Variants in RECK observed in about 807,000 individuals in gnomAD.
RECK encodes the protein reversion inducing cysteine rich protein with kazal motifs, also known as reversion-inducing cysteine-rich protein with Kazal motifs.
Under a neutral mutation model 115.1 loss-of-function variants are expected in RECK, and 69 were observed. That is an observed-to-expected ratio of 0.60 (90% confidence interval 0.49 to 0.73). The LOEUF is 0.73. Among genes scored for constraint, RECK ranks in the 30% least tolerant of loss-of-function variants. RECK has a pLI of 0.00. For missense variants in RECK, 1,047 were observed against 1,203.7 expected, an observed-to-expected ratio of 0.87 and a Z score of 1.93; for synonymous variants, 414 against 419.7, an observed-to-expected ratio of 0.99 and a Z score of 0.17.
At chr9:36,052,024 A>G (rs1821323962) in intron 1 of RECK, among the ~76,000 whole-genome samples, 1 of 152,198 alleles carries the variant, frequency 6.6e-6, no homozygotes, top group East Asian at 1.9e-4. Flanking sequence ...AATAGTAGCT[A>G]TTATTATTAC....
At chr9:36,101,695 CT>C (rs1230566896) in intron 11 of RECK, among the ~76,000 whole-genome samples, 1 of 152,064 alleles carries the variant, frequency 6.6e-6, no homozygotes, top group Non-Finnish European at 1.5e-5. Flanking sequence ...ATGTTGATAA[CT>C]AAAAAGAGAC....
At chr9:36,072,176 A>T (rs1184410692) in intron 6 of RECK, among the ~76,000 whole-genome samples, 1 of 152,198 alleles carries the variant, frequency 6.6e-6, no homozygotes, top group Admixed American at 6.5e-5. Flanking sequence ...TTCCTCAGGA[A>T]ATGTCACAAT....
intron 1 of RECK, among the ~76,000 whole-genome samples, chr9:36,038,793 TAAAACAAA>T (rs1820763108): frequency 6.6e-6 from 1 of 151,236 alleles, no homozygotes; most frequent in Non-Finnish European, 1.5e-5. Flanking sequence ...ATTCCTGTGG[TAAAACAAA>T]CAAACAAACA....
intron 6 of RECK, among the ~76,000 whole-genome samples, chr9:36,066,386 A>G (rs1400967946): frequency 1.3e-5 from 2 of 152,208 alleles, no homozygotes; most frequent in South Asian, 4.1e-4. Context: ...CCATTTTTAT[A>G]TACAAACATT....
rs375407837 is a variant in RECK, at chr9:36,110,092, G to T, written c.1888+13G>T. 1.9e-6 allele frequency: 3 copies of T among 1,590,386 alleles called. No homozygotes were observed. The highest frequency in any genetic ancestry group is 1.3e-5 in the African/African-American group (1 of 74,552). On this transcript the variant is annotated intron_variant, in intron 15 of 20. Coordinates refer to ENST00000377966, the MANE Select transcript of RECK (RefSeq NM_021111.3). ...CGTACCTTCACAGGTGACTGTGATC[G>T]CCCAGAGTCTGTCCTCAGGGGCCAT...
chr9:36,063,286 C>T (rs902308033), intron 4 of RECK, among the ~76,000 whole-genome samples: 2 of 152,152 alleles, frequency 1.3e-5, no homozygotes, highest in African/African-American at 4.8e-5. Flanking sequence ...GCCAGATATA[C>T]CTGACTCACA....
chr9:36,065,626 T>C lies in RECK; in HGVS notation c.405+2T>C. 1 of 1,564,904 alleles carries C rather than the reference T, an allele frequency of 6.4e-7. No individual in the cohort carries two copies. The highest frequency in any genetic ancestry group is 8.6e-7 in the Non-Finnish European group (1 of 1,159,094). On this transcript the variant is annotated splice_donor_variant, in intron 6 of 20. Coordinates refer to ENST00000377966, the MANE Select transcript of RECK (RefSeq NM_021111.3). LOFTEE classifies it high-confidence loss of function. ...AAAGTTTGCAGAAAAGAATATGAGGTATGCATTTTATTTAACAAATGTGGA... is the reference window on the plus strand; with the variant it reads ...AAAGTTTGCAGAAAAGAATATGAGGCATGCATTTTATTTAACAAATGTGGA...
Position 36,123,942 on chromosome 9 carries a change from G to A in RECK, c.*897G>A, listed in dbSNP as rs1824549888. The A allele has an allele frequency of 6.6e-6, 1 of 152,630 alleles. No individual in the cohort carries two copies. The highest frequency in any genetic ancestry group is 1.5e-5 in the Non-Finnish European group (1 of 68,044). The allele number at this position is 152,630 out of a possible 1,614,324, so 9.5% of individuals were successfully genotyped here. A position where few individuals can be genotyped will look rare whatever the true frequency, so the allele number is the denominator to read the frequency against. ...TATATTTCTATTTTATTATGAAGAA[G>A]GTGAATAGCCATATTTGTAAAATGA... is the stretch of plus-strand genomic sequence containing the variant. On this transcript the variant is annotated 3_prime_UTR_variant, in exon 21 of 21. Coordinates refer to ENST00000377966, the MANE Select transcript of RECK (RefSeq NM_021111.3).
intron 12 of RECK, among the ~76,000 whole-genome samples, chr9:36,103,042 C>T (rs1362681629): frequency 6.6e-6 from 1 of 152,132 alleles, no homozygotes; most frequent in Non-Finnish European, 1.5e-5. Context: ...CAAATACTCC[C>T]GCCAAAAGCT....
At chr9:36,073,335 T>C (rs550999325) in intron 6 of RECK, among the ~76,000 whole-genome samples, 58 of 151,982 alleles carry the variant, frequency 3.8e-4, no homozygotes, top group Non-Finnish European at 1.5e-5. Context: ...GTTGTACCAA[T>C]ATGATCCTTC....
At chr9:36,037,185 G>A in intron 1 of RECK, 87 bp downstream of exon 1, 1 of 885,780 alleles carries the variant, frequency 1.1e-6, no homozygotes, top group Non-Finnish European at 1.5e-6. Context: ...GGGCGGGGGT[G>A]CGCGCGACCC....
At chr9:36,054,496 G>C (rs1484946224) in intron 2 of RECK, among the ~76,000 whole-genome samples, 1 of 90,102 alleles carries the variant, frequency 1.1e-5, no homozygotes, top group Non-Finnish European at 2.2e-5. Flanking sequence ...AAGGCCCTTA[G>C]TTTAAAAAAA....
chr9:36,077,178 T>A (rs565555753), intron 6 of RECK, among the ~76,000 whole-genome samples: 2 of 151,982 alleles, frequency 1.3e-5, no homozygotes, highest in Admixed American at 6.6e-5. Flanking sequence ...GCACATTGGG[T>A]GTGGTATTGG....
At chr9:36,088,509 G>A (rs965889164) in intron 9 of RECK, among the ~76,000 whole-genome samples, 4 of 152,178 alleles carry the variant, frequency 2.6e-5, no homozygotes, top group African/African-American at 9.7e-5. Flanking sequence ...TAAGATCATG[G>A]TAGAACACAG....
At chr9:36,070,769 A>G (rs1042655236) in intron 6 of RECK, among the ~76,000 whole-genome samples, 2 of 152,208 alleles carry the variant, frequency 1.3e-5, no homozygotes, top group African/African-American at 2.4e-5. Context: ...GAAATAATAT[A>G]TCCTTCACTA....
intron 1 of RECK, among the ~76,000 whole-genome samples, chr9:36,048,701 AC>A (rs1486192926): frequency 6.6e-6 from 1 of 152,272 alleles, no homozygotes; most frequent in East Asian, 1.9e-4. Flanking sequence ...AGAGAGCATA[AC>A]TTTTGTTCAC....
At chr9:36,061,521 A>G (rs1308016190) in intron 4 of RECK, among the ~76,000 whole-genome samples, 1 of 152,016 alleles carries the variant, frequency 6.6e-6, no homozygotes, top group African/African-American at 2.4e-5. Context: ...CATAACACCT[A>G]ACAGAGTGCC....
At chr9:36,080,674 A>G in intron 7 of RECK, 36 bp downstream of exon 7, 1 of 1,595,696 alleles carries the variant, frequency 6.3e-7, no homozygotes, top group Non-Finnish European at 8.6e-7. Context: ...CAAACAGTCC[A>G]AAGATATAAT....
intron 8 of RECK, among the ~76,000 whole-genome samples, chr9:36,084,120 G>A (rs1269817105): frequency 1.3e-5 from 2 of 152,168 alleles, no homozygotes; most frequent in African/African-American, 2.4e-5. Flanking sequence ...CCAAGGCTGA[G>A]TGTGGTCGCT....
Sources: gnomAD v4.1 joint callset for allele counts (sites outside exome capture counted in the v4.1 genomes callset) on GRCh38, gnomAD v4.1.1 for gene constraint, MANE v1.5 for transcripts, NCBI Gene and HGNC (gene_info 2026-07-23, HGNC 2026-07-21) for gene names.